The following ISCA1 variants were observed in gnomAD, a reference collection of about 807,000 sequenced individuals.
ISCA1 encodes iron-sulfur cluster assembly 1.
A neutral mutation model predicts 14.7 loss-of-function variants in ISCA1; 9 were observed. The ratio of observed to expected loss-of-function variants is 0.61; its 90% CI spans 0.37 to 1.07. The LOEUF (loss-of-function observed/expected upper bound fraction) is 1.07. ISCA1 is among the 50% of genes least tolerant of loss of function. The pLI is 0.01. For missense variants in ISCA1, 102 were observed against 150.1 expected (o/e 0.68, Z 1.67); for synonymous variants, 38 against 54.3 (o/e 0.70, Z 1.32).
At chr9:86,272,562 C>T (rs1332182393) in intron 2 of ISCA1, among the ~76,000 whole-genome samples, 1 of 152,104 alleles carries the variant, frequency 6.6e-6, no homozygotes, top group Non-Finnish European at 1.5e-5. Context: ...AAAAAGTGAC[C>T]AAACAGCACT....
Position 86,265,731 on chromosome 9 carries a change from C to A in ISCA1, c.*312G>T. On this transcript the variant is annotated 3_prime_UTR_variant, in exon 4 of 4. Coordinates refer to ENST00000375991, the MANE Select transcript of ISCA1 (RefSeq NM_030940.4). ...AAATGCTGAGGGATGATCAAGCCAT[C>A]AATAGCGATCTAAGGAGTGCACACA... 1 of 367,166 alleles carries A rather than the reference C, an allele frequency of 2.7e-6. No individual in the cohort carries two copies. 22.7% of individuals were successfully genotyped at this position (367,166 alleles called of 1,614,324 possible). A position where few individuals can be genotyped will look rare whatever the true frequency, so the allele number is the denominator to read the frequency against.
At chr9:86,276,428 A>T (rs1825439607) in intron 1 of ISCA1, among the ~76,000 whole-genome samples, 1 of 152,220 alleles carries the variant, frequency 6.6e-6, no homozygotes, top group South Asian at 2.1e-4. Context: ...AGTGATTGTC[A>T]ATAAAAGCTA....
chr9:86,266,005 G>T lies in ISCA1; in HGVS notation c.*38C>A. On this transcript the variant is annotated 3_prime_UTR_variant, in exon 4 of 4. Transcript: ENST00000375991. ...GCAGTGAGCCCCAAAGCTTCCACGA[G>T]CTTTCCTGGAACCTACGGCCAGAAG... The T allele has an allele frequency of 6.2e-7, 1 of 1,611,708 alleles. No individual in the cohort carries two copies. The highest frequency in any genetic ancestry group is 8.5e-7 in the Non-Finnish European group (1 of 1,179,646).
intron 1 of ISCA1, among the ~76,000 whole-genome samples, chr9:86,274,915 T>C (rs1216006908): frequency 6.6e-6 from 1 of 152,200 alleles, no homozygotes; most frequent in African/African-American, 2.4e-5. Context: ...CCCAGAGAAA[T>C]GCTGTTTTAA....
chr9:86,278,092 C>T (rs1214355906), intron 1 of ISCA1, among the ~76,000 whole-genome samples: 2 of 152,108 alleles, frequency 1.3e-5, no homozygotes, highest in East Asian at 1.9e-4. Context: ...CTAAAGTTAA[C>T]TCTGTGATTA....
rs35460722 is a variant in ISCA1, at chr9:86,276,870, C to CAAAAAA, written c.82-2634_82-2629dup. On this transcript the variant is annotated intron_variant, in intron 1 of 3. Coordinates refer to ENST00000375991, the MANE Select transcript of ISCA1 (RefSeq NM_030940.4). Reference sequence around the variant, plus strand: ...TGGGAAACAGAGTGAGACTCTGTCTCAAAAAAAAAAAAAAAAAAAAAAAAA... The same window carrying CAAAAAA: ...TGGGAAACAGAGTGAGACTCTGTCTCAAAAAAAAAAAAAAAAAAAAAAAAAAAAAAA... 2.4e-3 allele frequency among the ~76,000 whole-genome samples: 97 copies of CAAAAAA among 39,906 alleles called. 12 individuals carry two copies. The highest frequency in any genetic ancestry group is 3.4e-3 in the Non-Finnish European group (79 of 22,976). 26.2% of individuals were successfully genotyped at this position (39,906 alleles called of 152,430 possible). A position where few individuals can be genotyped will look rare whatever the true frequency, so the allele number is the denominator to read the frequency against.
chr9:86,265,638 C>A lies in ISCA1; in HGVS notation c.*405G>T. 9.2e-6 allele frequency: 2 copies of A among 217,598 alleles called. No homozygotes were observed. Among genetic ancestry groups the A allele is most frequent in the Non-Finnish European group, 1.9e-5 (2 of 107,098 alleles). The allele number at this position is 217,598 out of a possible 1,614,324, so 13.5% of individuals were successfully genotyped here. ...AGTTTGGGTGGAAAAAACAATGCAC[C>A]ACCATATTACTACCAGCAGTCACGA... is the stretch of plus-strand genomic sequence containing the variant. On this transcript the variant is annotated 3_prime_UTR_variant, in exon 4 of 4. Transcript: ENST00000375991.
At chr9:86,273,219 G>A (rs977195644) in intron 2 of ISCA1, among the ~76,000 whole-genome samples, 4 of 152,150 alleles carry the variant, frequency 2.6e-5, no homozygotes, top group East Asian at 1.9e-4. Context: ...TCACCCCACC[G>A]TCTAATTATT....
chr9:86,277,111 C>T (rs1825447843), intron 1 of ISCA1, among the ~76,000 whole-genome samples: 1 of 152,108 alleles, frequency 6.6e-6, no homozygotes, highest in African/African-American at 2.4e-5. Context: ...ACAAAGTCAT[C>T]TATTTTCTTA....
intron 1 of ISCA1, among the ~76,000 whole-genome samples, chr9:86,278,970 C>G (rs986575713): frequency 1.3e-5 from 2 of 152,196 alleles, no homozygotes; most frequent in African/African-American, 4.8e-5. Context: ...ACAGGATCTA[C>G]TCTCACGTAC....
At chr9:86,275,947 T>C (rs1432300146) in intron 1 of ISCA1, among the ~76,000 whole-genome samples, 3 of 152,240 alleles carry the variant, frequency 2.0e-5, no homozygotes, top group Non-Finnish European at 4.4e-5. Context: ...CCCAAATGTT[T>C]TTGGCATCAA....
chr9:86,281,277 A>T (rs993770814), intron 1 of ISCA1, among the ~76,000 whole-genome samples: 1 of 152,354 alleles, frequency 6.6e-6, no homozygotes, highest in African/African-American at 2.4e-5. Context: ...AAGGCCTAAA[A>T]AATTGATTAT....
At chr9:86,275,900 T>A (rs1308729763) in intron 1 of ISCA1, among the ~76,000 whole-genome samples, 1 of 152,204 alleles carries the variant, frequency 6.6e-6, no homozygotes, top group East Asian at 1.9e-4. Context: ...ATAGTTATTA[T>A]TTTTTAAAGT....
intron 3 of ISCA1, among the ~76,000 whole-genome samples, chr9:86,270,983 C>A (rs1025735882): frequency 2.0e-5 from 3 of 146,752 alleles, no homozygotes; most frequent in Non-Finnish European, 4.5e-5. Context: ...AGGAGATATA[C>A]CTAATGCTAA....
intron 3 of ISCA1, among the ~76,000 whole-genome samples, chr9:86,266,494 C>T (rs974434566): frequency 1.3e-5 from 2 of 151,620 alleles, no homozygotes; most frequent in African/African-American, 4.9e-5. Flanking sequence ...CAGTTTGCAA[C>T]ATGAAGAAAA....
intron 3 of ISCA1, among the ~76,000 whole-genome samples, chr9:86,268,457 A>C (rs1373594466): frequency 2.0e-5 from 3 of 151,662 alleles, no homozygotes; most frequent in Non-Finnish European, 2.9e-5. Context: ...AAAAAAAAAA[A>C]AAACCCCAAA....
chr9:86,275,072 A>C (rs1370949558), intron 1 of ISCA1, among the ~76,000 whole-genome samples: 1 of 152,180 alleles, frequency 6.6e-6, no homozygotes, highest in Non-Finnish European at 1.5e-5. Context: ...AGTCACCCTA[A>C]GTGGCTTCTC....
intron 1 of ISCA1, chr9:86,282,000 A>T (rs1422742178): frequency 4.9e-6 from 1 of 205,044 alleles, no homozygotes; most frequent in African/African-American, 2.3e-5. Flanking sequence ...CACCACCGGG[A>T]ACCCCCGCCA....
intron 1 of ISCA1, 123 bp downstream of exon 1, chr9:86,282,255 A>T: frequency 9.2e-7 from 1 of 1,088,916 alleles, no homozygotes; most frequent in Non-Finnish European, 1.3e-6. Context: ...GGCGGGTCGG[A>T]GCGACGCCGA....
Sources: gnomAD v4.1 joint callset for allele counts (sites outside exome capture counted in the v4.1 genomes callset) on GRCh38, gnomAD v4.1.1 for gene constraint, MANE v1.5 for transcripts, NCBI Gene and HGNC (gene_info 2026-07-23, HGNC 2026-07-21) for gene names.